WWOX: variants seen among roughly 807,000 people sequenced by gnomAD.
WWOX encodes WW domain containing oxidoreductase.
Under a neutral mutation model 46.2 loss-of-function variants are expected in WWOX, and 69 were observed. The ratio of observed to expected loss-of-function variants is 1.49; its 90% confidence interval spans 1.23 to 1.82. The LOEUF (loss-of-function observed/expected upper bound fraction) is 1.82. Ranked by LOEUF, WWOX falls within the 40% of genes most tolerant of loss-of-function variation. The pLI, the probability that WWOX is intolerant of heterozygous loss-of-function variation, is 0.00. For missense variants in WWOX, 919 were observed against 542.6 expected, an observed-to-expected ratio of 1.69 and a Z score of -6.89; for synonymous variants, 359 against 202.6, an observed-to-expected ratio of 1.77 and a Z score of -6.56.
rs540406656 is a variant in WWOX at position 79,101,677 on chromosome 16, C to T, written c.1057-109931C>T. Reference sequence around the variant, plus strand: ...TTCCAGAAGACGCAACAGACAGAAACTTTCCAAAGGGAATTACCTGGGATC... The same window carrying T: ...TTCCAGAAGACGCAACAGACAGAAATTTTCCAAAGGGAATTACCTGGGATC... On this transcript the variant is annotated intron_variant, in intron 8 of 8. Transcript: ENST00000566780. The T allele has an allele frequency of 2.7e-5, 4 of 150,928 alleles. No individual in the cohort carries two copies. In the South Asian group the frequency reaches 8.4e-4, roughly 32 times the overall value. 9.3% of individuals were successfully genotyped at this position (150,928 alleles called of 1,614,324 possible). A position where few individuals can be genotyped will look rare whatever the true frequency, so the allele number is the denominator to read the frequency against.
At chr16:78,605,979 G>T (rs915962305) in intron 8 of WWOX, among the ~76,000 whole-genome samples, 9 of 152,158 alleles carry the variant, frequency 5.9e-5, no homozygotes, top group African/African-American at 2.2e-4. Context: ...GGCAGCTTTG[G>T]CTGGAGTAGT....
intron 8 of WWOX, among the ~76,000 whole-genome samples, chr16:78,717,271 G>T (rs1346701754): frequency 6.6e-6 from 1 of 152,142 alleles, no homozygotes; most frequent in Admixed American, 6.5e-5. Flanking sequence ...ATGGAATATA[G>T]AGATCCAGTA....
intron 8 of WWOX, among the ~76,000 whole-genome samples, chr16:78,509,163 G>A (rs2085294242): frequency 6.6e-6 from 1 of 152,228 alleles, no homozygotes. Flanking sequence ...AGCTTGCCGG[G>A]CATGGTGGTT....
At chr16:78,950,543 C>T (rs1401989914) in intron 8 of WWOX, among the ~76,000 whole-genome samples, 5 of 135,334 alleles carry the variant, frequency 3.7e-5, no homozygotes, top group South Asian at 2.3e-4. Flanking sequence ...TACACACACA[C>T]ACACACACAC....
At chr16:78,531,826 C>G (rs2043630501) in intron 8 of WWOX, among the ~76,000 whole-genome samples, 1 of 152,018 alleles carries the variant, frequency 6.6e-6, no homozygotes, top group Non-Finnish European at 1.5e-5. Context: ...CAACTGAACT[C>G]CAGCCTGGGC....
intron 8 of WWOX, among the ~76,000 whole-genome samples, chr16:78,901,244 G>T (rs1198605356): frequency 6.6e-6 from 1 of 152,196 alleles, no homozygotes; most frequent in Non-Finnish European, 1.5e-5. Flanking sequence ...CAATAGTCTG[G>T]CAATCATCCA....
chr16:78,926,427 G>A (rs578170662), intron 8 of WWOX, among the ~76,000 whole-genome samples: 3 of 151,820 alleles, frequency 2.0e-5, no homozygotes, highest in South Asian at 4.2e-4. Context: ...CAATTTGAAT[G>A]TAACTGTCTA....
chr16:78,982,191 C>T (rs2046696172), intron 8 of WWOX, among the ~76,000 whole-genome samples: 1 of 152,192 alleles, frequency 6.6e-6, no homozygotes. Context: ...CAGCCTCTTT[C>T]GTGCACACAC....
chr16:78,412,382 G>A (rs1567556951), intron 6 of WWOX, among the ~76,000 whole-genome samples: 1 of 152,182 alleles, frequency 6.6e-6, no homozygotes, highest in East Asian at 1.9e-4. Context: ...TGACAGGTGG[G>A]AATGAGATTC....
At chr16:79,183,126 C>T (rs571580051) in intron 8 of WWOX, among the ~76,000 whole-genome samples, 3 of 152,196 alleles carry the variant, frequency 2.0e-5, no homozygotes, top group Admixed American at 6.5e-5. Flanking sequence ...GGAACCACAC[C>T]GGGAAGACCC....
chr16:78,804,845 G>A (rs902894571), intron 8 of WWOX, among the ~76,000 whole-genome samples: 1 of 152,202 alleles, frequency 6.6e-6, no homozygotes, highest in Non-Finnish European at 1.5e-5. Context: ...GGCATTCTGT[G>A]ATCCTTAGGA....
intron 8 of WWOX, among the ~76,000 whole-genome samples, chr16:78,943,769 A>G (rs1381788811): frequency 2.6e-5 from 4 of 152,260 alleles, no homozygotes; most frequent in South Asian, 2.1e-4. Context: ...CTCCTTCTGG[A>G]TCCCACAATT....
intron 8 of WWOX, among the ~76,000 whole-genome samples, chr16:78,634,194 A>T (rs1277044372): frequency 6.6e-6 from 1 of 152,222 alleles, no homozygotes; most frequent in Non-Finnish European, 1.5e-5. Flanking sequence ...GTCTAAATAC[A>T]AATGTCCAGG....
At chr16:78,620,132 C>G (rs1338141651) in intron 8 of WWOX, among the ~76,000 whole-genome samples, 2 of 152,034 alleles carry the variant, frequency 1.3e-5, no homozygotes, top group African/African-American at 2.4e-5. Flanking sequence ...GATGGTGTAC[C>G]TAGTAGCTAA....
At chr16:79,191,129 G>A (rs914574800) in intron 8 of WWOX, among the ~76,000 whole-genome samples, 3 of 152,190 alleles carry the variant, frequency 2.0e-5, no homozygotes, top group Middle Eastern at 3.4e-3. Context: ...CCTTGGCTCA[G>A]TGCAGCCTCC....
chr16:78,935,289 A>G lies in WWOX; in HGVS notation c.1057-276319A>G, dbSNP rs573583442. 3.7e-4 allele frequency among the ~76,000 whole-genome samples: 56 copies of G among 152,340 alleles called. No homozygotes were observed. The South Asian group carries it at 9.3e-3, about 25-fold the overall frequency. On this transcript the variant is annotated intron_variant, in intron 8 of 8. Transcript: ENST00000566780. ...AAAGGATTATATATCATGCTGCTAT[A>G]AAGACACATGCACATGTATGTTTAT...
chr16:78,110,558 A>T (rs146183398), intron 3 of WWOX, among the ~76,000 whole-genome samples: 2 of 152,316 alleles, frequency 1.3e-5, no homozygotes, highest in African/African-American at 4.8e-5. Context: ...TAGAGAACCT[A>T]TAATTATAAA....
intron 8 of WWOX, among the ~76,000 whole-genome samples, chr16:78,967,822 G>A (rs772456858): frequency 7.2e-5 from 11 of 152,118 alleles, no homozygotes; most frequent in Non-Finnish European, 1.3e-4. Flanking sequence ...GAGGCAGGAT[G>A]GGAGAGGATG....
At chr16:78,468,080 T>G (rs921736063) in intron 8 of WWOX, among the ~76,000 whole-genome samples, 2 of 152,126 alleles carry the variant, frequency 1.3e-5, no homozygotes, top group East Asian at 3.9e-4. Context: ...AAACTGACAT[T>G]TTCTAAGTGT....
Sources: allele counts gnomAD v4.1 joint callset (sites outside exome capture counted in the v4.1 genomes callset), GRCh38; gene constraint gnomAD v4.1.1; transcripts MANE v1.5; gene names NCBI Gene and HGNC (gene_info 2026-07-23, HGNC 2026-07-21).